Variants in TMEM26 observed in about 807,000 individuals in gnomAD.
The protein encoded by TMEM26 is transmembrane protein 26.
A neutral mutation model predicts 28.8 loss-of-function variants in TMEM26; 38 were observed. That is an observed-to-expected ratio of 1.32 (90% CI 1.02 to 1.73). The LOEUF is 1.73. Ranked by LOEUF, TMEM26 falls within the 40% of genes most tolerant of loss-of-function variation. TMEM26 has a pLI of 0.00. For synonymous variants in TMEM26, 227 were observed against 182.9 expected, an observed-to-expected ratio of 1.24 and a Z score of -1.95; for missense variants, 518 against 447.1, an observed-to-expected ratio of 1.16 and a Z score of -1.43.
intron 4 of TMEM26, chr10:61,415,971 C>A: frequency 2.7e-6 from 1 of 371,136 alleles, no homozygotes. Context: ...TTGAGATGGC[C>A]AATTCAGGCT....
At chr10:61,417,333 T>C (rs754742511) in intron 4 of TMEM26, among the ~76,000 whole-genome samples, 2 of 152,022 alleles carry the variant, frequency 1.3e-5, no homozygotes, top group Non-Finnish European at 2.9e-5. Flanking sequence ...GCATTTGGTA[T>C]ATCAGCACAC....
intron 5 of TMEM26, chr10:61,412,924 C>A (rs1189574443): frequency 7.7e-7 from 1 of 1,294,000 alleles, no homozygotes; most frequent in Non-Finnish European, 1.0e-6. Context: ...AAAGTAAGAC[C>A]AGTAGGATTC....
intron 4 of TMEM26, among the ~76,000 whole-genome samples, chr10:61,422,632 T>C (rs958636205): frequency 2.0e-5 from 3 of 152,116 alleles, no homozygotes; most frequent in Non-Finnish European, 4.4e-5. Flanking sequence ...ATATCAAATT[T>C]CTGGGTGCAG....
At chr10:61,421,170 G>A (rs755084000) in intron 4 of TMEM26, among the ~76,000 whole-genome samples, 13 of 151,794 alleles carry the variant, frequency 8.6e-5, no homozygotes, top group Non-Finnish European at 1.5e-4. Flanking sequence ...AATGTATATT[G>A]TAACCCCTAG....
chr10:61,416,168 T>C (rs950659431), intron 4 of TMEM26: 42 of 429,728 alleles, frequency 9.8e-5, no homozygotes, highest in Non-Finnish European at 1.7e-4. Context: ...GTTTTTTCAA[T>C]AGATGCAAAA....
chr10:61,418,035 A>G (rs1471339010), intron 4 of TMEM26, among the ~76,000 whole-genome samples: 1 of 152,050 alleles, frequency 6.6e-6, no homozygotes, highest in East Asian at 1.9e-4. Flanking sequence ...AAGCATTCTT[A>G]CCCACAGATA....
intron 4 of TMEM26, among the ~76,000 whole-genome samples, chr10:61,416,991 C>A (rs537269037): frequency 6.3e-4 from 96 of 152,056 alleles, no homozygotes; most frequent in Non-Finnish European, 1.0e-3. Flanking sequence ...GTGAAATTAT[C>A]AAACACAATT....
chr10:61,446,311 C>T (rs893321075), intron 1 of TMEM26, among the ~76,000 whole-genome samples: 3 of 152,130 alleles, frequency 2.0e-5, no homozygotes, highest in African/African-American at 7.2e-5. Context: ...AAATGATGCA[C>T]ATTTAAGTCA....
chr10:61,433,497 A>T (rs770759196), intron 2 of TMEM26, among the ~76,000 whole-genome samples: 1 of 152,168 alleles, frequency 6.6e-6, no homozygotes, highest in African/African-American at 2.4e-5. Context: ...TGACAACAAG[A>T]TGACCAGAAT....
At chr10:61,417,671 G>A (rs1202286718) in intron 4 of TMEM26, among the ~76,000 whole-genome samples, 1 of 151,842 alleles carries the variant, frequency 6.6e-6, no homozygotes, top group African/African-American at 2.4e-5. Context: ...GTATTCACAG[G>A]GAAATGTTAG....
At chr10:61,421,594 G>C (rs918368104) in intron 4 of TMEM26, among the ~76,000 whole-genome samples, 1 of 152,010 alleles carries the variant, frequency 6.6e-6, no homozygotes, top group African/African-American at 2.4e-5. Flanking sequence ...GACACACTGG[G>C]GTGAATGCCA....
chr10:61,438,114 C>A (rs1276418713), intron 1 of TMEM26, among the ~76,000 whole-genome samples: 1 of 151,882 alleles, frequency 6.6e-6, no homozygotes, highest in Non-Finnish European at 1.5e-5. Context: ...GGAGAAAGGG[C>A]AAGAGAAAGA....
intron 1 of TMEM26, 173 bp downstream of exon 1, chr10:61,452,718 C>T: frequency 6.6e-6 from 5 of 753,436 alleles, no homozygotes; most frequent in Non-Finnish European, 1.1e-5. Context: ...CTAGGGTGGC[C>T]CTGGGGTGCC....
At chr10:61,416,464 T>C (rs1336391060) in intron 4 of TMEM26, among the ~76,000 whole-genome samples, 3 of 152,026 alleles carry the variant, frequency 2.0e-5, no homozygotes, top group Non-Finnish European at 2.9e-5. Flanking sequence ...AAGACAATAA[T>C]AATAATTACT....
intron 1 of TMEM26, among the ~76,000 whole-genome samples, chr10:61,450,732 T>C (rs1443619721): frequency 6.6e-6 from 1 of 152,110 alleles, no homozygotes; most frequent in Non-Finnish European, 1.5e-5. Context: ...GCACAATATA[T>C]ATAATGGGTC....
chr10:61,444,131 A>G (rs1840139699), intron 1 of TMEM26, among the ~76,000 whole-genome samples: 1 of 152,164 alleles, frequency 6.6e-6, no homozygotes, highest in African/African-American at 2.4e-5. Context: ...TACTGATTGT[A>G]TCTTGATTCT....
intron 4 of TMEM26, chr10:61,415,175 G>A: frequency 1.0e-6 from 1 of 984,896 alleles, no homozygotes; most frequent in Non-Finnish European, 1.2e-6. Flanking sequence ...GAATAGAATT[G>A]GATAGAAGAA....
chr10:61,413,216 C>G (rs912385981), intron 5 of TMEM26, among the ~76,000 whole-genome samples: 2 of 152,020 alleles, frequency 1.3e-5, no homozygotes, highest in South Asian at 4.1e-4. Context: ...GACGGAACTG[C>G]TATTTGAAGT....
At chr10:61,447,960 T>C (rs1278960007) in intron 1 of TMEM26, among the ~76,000 whole-genome samples, 1 of 152,274 alleles carries the variant, frequency 6.6e-6, no homozygotes, top group East Asian at 1.9e-4. Context: ...TACTCACATC[T>C]TTATTTTCTA....
Sources: allele counts gnomAD v4.1 joint callset (sites outside exome capture counted in the v4.1 genomes callset), GRCh38; gene constraint gnomAD v4.1.1; transcripts MANE v1.5; gene names NCBI Gene and HGNC (gene_info 2026-07-23, HGNC 2026-07-21).